Variants in BTD observed in about 807,000 individuals in gnomAD.
BTD encodes biocytinase.
A neutral mutation model predicts 17.7 loss-of-function variants in BTD; 13 were observed. The ratio of observed to expected loss-of-function variants is 0.74; its 90% CI spans 0.48 to 1.17. The LOEUF (loss-of-function observed/expected upper bound fraction) is 1.17, where lower values mean the gene tolerates loss of function less well. Among genes scored for constraint, BTD ranks in the 50% most tolerant of loss-of-function variants. BTD has a pLI of 0.00. For synonymous variants in BTD, 240 were observed against 245.2 expected, an observed-to-expected ratio of 0.98 and a Z score of 0.20; for missense variants, 674 against 650.4, an observed-to-expected ratio of 1.04 and a Z score of -0.39.
chr3:15,636,787 G>T (rs1269284017), intron 2 of BTD, among the ~76,000 whole-genome samples: 7 of 148,852 alleles, frequency 4.7e-5, no homozygotes, highest in Non-Finnish European at 1.0e-4. Context: ...GGGGTGGGGG[G>T]GTGTTTGGGG....
intron 3 of BTD, among the ~76,000 whole-genome samples, chr3:15,683,421 TCACTA>T (rs1409071876): frequency 2.0e-5 from 3 of 152,276 alleles, no homozygotes; most frequent in African/African-American, 7.2e-5. Flanking sequence ...TCTGGCCACT[TCACTA>T]CACTCATTTC....
chr3:15,655,763 G>A (rs375277405), downstream of BTD, among the ~76,000 whole-genome samples: 22 of 152,180 alleles, frequency 1.4e-4, no homozygotes, highest in Non-Finnish European at 2.9e-4. Flanking sequence ...AATAAGAAAC[G>A]AAACAGTATT....
chr3:15,608,000 C>T (rs1327731325), intron 1 of BTD, among the ~76,000 whole-genome samples: 1 of 152,122 alleles, frequency 6.6e-6, no homozygotes, highest in Non-Finnish European at 1.5e-5. Context: ...TGAAACAAAC[C>T]CAGTGAAAAG....
intron 4 of BTD, among the ~76,000 whole-genome samples, chr3:15,718,784 C>T (rs1265340090): frequency 1.3e-5 from 2 of 152,174 alleles, no homozygotes; most frequent in African/African-American, 2.4e-5. Flanking sequence ...GTAAACAGGT[C>T]TCACAGAGAC....
intron 3 of BTD, among the ~76,000 whole-genome samples, chr3:15,698,880 G>GA (rs1330201141): frequency 1.3e-5 from 2 of 152,042 alleles, no homozygotes; most frequent in African/African-American, 2.4e-5. Context: ...CACAGAATTG[G>GA]AAAAAACTAC....
At chr3:15,633,168 T>G (rs1312385889) in intron 1 of BTD, among the ~76,000 whole-genome samples, 1 of 152,212 alleles carries the variant, frequency 6.6e-6, no homozygotes, top group Non-Finnish European at 1.5e-5. Flanking sequence ...TGCTATTATT[T>G]TTTATTGTTG....
chr3:15,638,206 C>T (rs139062275), intron 2 of BTD, among the ~76,000 whole-genome samples: 1,888 of 152,200 alleles, frequency 0.012, 22 homozygotes, highest in Non-Finnish European at 0.017. Flanking sequence ...AAATGCAAAC[C>T]ACTTTCAACT....
intron 3 of BTD, among the ~76,000 whole-genome samples, chr3:15,659,613 A>G (rs2065902623): frequency 6.6e-6 from 1 of 152,204 alleles, no homozygotes; most frequent in African/African-American, 2.4e-5. Context: ...CCAGACTAAC[A>G]GAGTTAATAT....
chr3:15,620,539 G>A (rs187792015), intron 1 of BTD, among the ~76,000 whole-genome samples: 20 of 152,172 alleles, frequency 1.3e-4, no homozygotes, highest in African/African-American at 3.9e-4. Context: ...TTTTCAAGGT[G>A]CACTGATTTC....
chr3:15,658,472 C>T (rs759582014), downstream of BTD, among the ~76,000 whole-genome samples: 7 of 152,134 alleles, frequency 4.6e-5, no homozygotes, highest in Admixed American at 1.3e-4. Flanking sequence ...GCCAGGCACT[C>T]GGGTATAGCC....
chr3:15,608,205 A>G (rs903465146), intron 1 of BTD, among the ~76,000 whole-genome samples: 1 of 152,200 alleles, frequency 6.6e-6, no homozygotes, highest in African/African-American at 2.4e-5. Flanking sequence ...TCTACATTTT[A>G]ATGCCAGGGA....
At chr3:15,629,223 A>G (rs774142758) in intron 1 of BTD, among the ~76,000 whole-genome samples, 13 of 152,204 alleles carry the variant, frequency 8.5e-5, no homozygotes, top group Non-Finnish European at 1.5e-4. Context: ...AGAATATAGG[A>G]TATACATTCC....
chr3:15,700,719 A>G (rs2070452681), intron 3 of BTD, among the ~76,000 whole-genome samples: 1 of 152,182 alleles, frequency 6.6e-6, no homozygotes, highest in Admixed American at 6.5e-5. Context: ...GGTTGCAGTG[A>G]GCAGAGATCG....
chr3:15,626,215 C>G (rs991531882), intron 1 of BTD, among the ~76,000 whole-genome samples: 6 of 152,210 alleles, frequency 3.9e-5, no homozygotes, highest in Non-Finnish European at 8.8e-5. Flanking sequence ...CCCACCACCA[C>G]CACTATTTTG....
At chr3:15,693,454 G>T (rs921205896) in intron 3 of BTD, among the ~76,000 whole-genome samples, 1 of 151,874 alleles carries the variant, frequency 6.6e-6, no homozygotes, top group African/African-American at 2.4e-5. Context: ...AATTTCTAAG[G>T]AAACAACATC....
intron 3 of BTD, among the ~76,000 whole-genome samples, chr3:15,701,974 A>G (rs2070698163): frequency 6.6e-6 from 1 of 152,168 alleles, no homozygotes; most frequent in African/African-American, 2.4e-5. Context: ...TCTAGATGTT[A>G]GTGATAAAAC....
At chr3:15,703,525 T>C (rs2125983201) in intron 3 of BTD, among the ~76,000 whole-genome samples, 1 of 152,350 alleles carries the variant, frequency 6.6e-6, no homozygotes, top group African/African-American at 2.4e-5. Flanking sequence ...TGTGAGGATA[T>C]GGCAAGAATA....
downstream of BTD, chr3:15,713,650 T>C (rs749503215): frequency 1.5e-5 from 23 of 1,568,864 alleles, no homozygotes; most frequent in East Asian, 2.1e-4. Context: ...TCCTGCAATA[T>C]AGGACTTACT....
intron 1 of BTD, among the ~76,000 whole-genome samples, chr3:15,608,584 G>A (rs1177666833): frequency 2.0e-5 from 3 of 152,116 alleles, no homozygotes; most frequent in Non-Finnish European, 2.9e-5. Flanking sequence ...TGGCCAACAT[G>A]GTGAAACCCC....
Sources: allele counts gnomAD v4.1 joint callset (sites outside exome capture counted in the v4.1 genomes callset), GRCh38; gene constraint gnomAD v4.1.1; transcripts MANE v1.5; gene names NCBI Gene and HGNC (gene_info 2026-07-23, HGNC 2026-07-21).